The following NCAPD3 variants were observed in gnomAD, a reference collection of about 807,000 sequenced individuals.
NCAPD3 encodes the protein condensin-2 complex subunit D3.
In NCAPD3, 105 loss-of-function variants were observed where a neutral mutation model predicts 182.9. The observed-to-expected ratio is 0.57, with a 90% CI of 0.49 to 0.68. The LOEUF (loss-of-function observed/expected upper bound fraction) is 0.68, where lower values mean the gene tolerates loss of function less well. Ranked by LOEUF, NCAPD3 falls within the 30% of genes least tolerant of loss-of-function variation. NCAPD3 has a pLI of 0.00. For missense variants in NCAPD3, 1,944 were observed against 1,837.0 expected, an observed-to-expected ratio of 1.06 and a Z score of -1.07; for synonymous variants, 815 against 679.9, an observed-to-expected ratio of 1.20 and a Z score of -3.09.
chr11:134,197,696 T>C (rs1344324229), intron 13 of NCAPD3, among the ~76,000 whole-genome samples: 1 of 152,220 alleles, frequency 6.6e-6, no homozygotes, highest in African/African-American at 2.4e-5. Context: ...GATACAACCA[T>C]GCTTGGGATT....
rs979329670 is a variant in NCAPD3, at chr11:134,163,313, C to A, written c.3574-1422G>T. Among the ~76,000 whole-genome samples the A allele has an allele frequency of 2.6e-5, 4 of 152,310 alleles. No homozygotes were observed. The South Asian group carries it at 6.2e-4, about 24-fold the overall frequency. The stretch of plus-strand genomic sequence containing the variant: ...AATAACCAGCACTACAGACCACTCA[C>A]CATCTATCACCCAAAAGCTTCCTGC... On this transcript the variant is annotated intron_variant, in intron 27 of 34. Transcript: ENST00000534548.
rs180807915 is a variant in NCAPD3, at chr11:134,150,198, C to T, written c.*2746G>A. Reference sequence around the variant, plus strand: ...AAGGGAACTCATACTGTCTACACATCAGACCATAGTTGCTTAGGAAACCTT... The same window carrying T: ...AAGGGAACTCATACTGTCTACACATTAGACCATAGTTGCTTAGGAAACCTT... On this transcript the variant is annotated 3_prime_UTR_variant, in exon 35 of 35. Coordinates refer to ENST00000534548, the MANE Select transcript of NCAPD3 (RefSeq NM_015261.3). The T allele has an allele frequency of 6.6e-6, 1 of 152,584 alleles. No individual in the cohort carries two copies. Among genetic ancestry groups the T allele is most frequent in the East Asian group, 1.9e-4 (1 of 5,180 alleles). 9.5% of individuals were successfully genotyped at this position (152,584 alleles called of 1,614,324 possible).
chr11:134,217,331 C>T (rs1046605395), intron 2 of NCAPD3, among the ~76,000 whole-genome samples: 5 of 152,086 alleles, frequency 3.3e-5, no homozygotes, highest in African/African-American at 1.2e-4. Context: ...AATAATTAAA[C>T]TTTCAAAAGA....
At chr11:134,221,228 C>T (rs905332871) in intron 1 of NCAPD3, among the ~76,000 whole-genome samples, 1 of 152,198 alleles carries the variant, frequency 6.6e-6, no homozygotes, top group African/African-American at 2.4e-5. Flanking sequence ...CAGATTCAGA[C>T]TCCCAGGAAT....
chr11:134,166,792 TGA>T (rs1339310847), intron 27 of NCAPD3, among the ~76,000 whole-genome samples: 1 of 69,416 alleles, frequency 1.4e-5, no homozygotes, highest in Non-Finnish European at 2.7e-5. Flanking sequence ...CGCACACTCG[TGA>T]GAGGAGCTTA....
chr11:134,219,746 T>A (rs150220928), intron 2 of NCAPD3, among the ~76,000 whole-genome samples: 203 of 152,332 alleles, frequency 1.3e-3, no homozygotes, highest in African/African-American at 4.7e-3. Flanking sequence ...TTACAGGAAC[T>A]GTTTGGACAA....
At chr11:134,153,101 C>T (rs1442481692) in intron 34 of NCAPD3, 39 bp downstream of exon 34, 3 of 1,612,556 alleles carry the variant, frequency 1.9e-6, no homozygotes, top group Non-Finnish European at 2.5e-6. Context: ...AAAACCCTGA[C>T]AGAAACATCC....
At position 134,173,692 on chromosome 11, in the gene NCAPD3, G is replaced by A. The variant is rs148500732; in HGVS notation, c.3101+2615C>T. 3.3e-5 allele frequency: 5 copies of A among 152,946 alleles called. No individual in the cohort carries two copies. The East Asian group carries it at 9.7e-4, about 30-fold the overall frequency. The allele number at this position is 152,946 out of a possible 1,614,324, so 9.5% of individuals were successfully genotyped here. A position where few individuals can be genotyped will look rare whatever the true frequency, so the allele number is the denominator to read the frequency against. On this transcript the variant is annotated intron_variant, in intron 24 of 34. Transcript: ENST00000534548. ...GTCCAGCTGGTGCACACACCTTGAA[G>A]AGAGCCACTGGTACCTTTTCCCACC...
chr11:134,190,458 C>A (rs1944500772), intron 16 of NCAPD3, among the ~76,000 whole-genome samples: 1 of 152,188 alleles, frequency 6.6e-6, no homozygotes, highest in Admixed American at 6.5e-5. Context: ...TTCCTCCCTT[C>A]TGAATTCAGC....
At chr11:134,158,170 C>T (rs947523359) in intron 30 of NCAPD3, 103 bp from the exon 31 acceptor site, 2 of 1,524,810 alleles carry the variant, frequency 1.3e-6, no homozygotes, top group Non-Finnish European at 1.8e-6. Context: ...GCGCATCCCT[C>T]ACCACCCTCA....
At chr11:134,199,845 G>A (rs915798026) in intron 13 of NCAPD3, among the ~76,000 whole-genome samples, 2 of 152,158 alleles carry the variant, frequency 1.3e-5, no homozygotes, top group Non-Finnish European at 2.9e-5. Flanking sequence ...GAACGCAACG[G>A]CAATCAACAC....
At chr11:134,224,995 A>T, upstream of NCAPD3, 1 of 765,296 alleles carries the variant, frequency 1.3e-6, no homozygotes, top group African/African-American at 1.8e-5. Flanking sequence ...GCAGCGGCGG[A>T]GCCAGGCAGC....
intron 13 of NCAPD3, among the ~76,000 whole-genome samples, chr11:134,199,618 G>GA (rs1436210615): frequency 1.3e-5 from 2 of 152,206 alleles, no homozygotes; most frequent in African/African-American, 4.8e-5. Flanking sequence ...GGGGACAACA[G>GA]AGAGTCTCCA....
In NCAPD3 at chr11:134,204,606, G is replaced by A. The variant is rs575905134; in HGVS notation, c.1089+293C>T. Among the ~76,000 whole-genome samples, 42 of 152,304 alleles carry A rather than the reference G, an allele frequency of 2.8e-4. No individual in the cohort carries two copies. In the South Asian group the frequency reaches 8.5e-3, roughly 31 times the overall value. On this transcript the variant is annotated intron_variant, in intron 9 of 34. Coordinates refer to ENST00000534548, the MANE Select transcript of NCAPD3 (RefSeq NM_015261.3). The surrounding 1 kb of genome is among the most constrained non-coding windows in gnomAD (Gnocchi z 4.3). ...TGGGGGATGTGGGGTAGGGGTTTAA[G>A]TGACACAAAACTGTGGAACTCGGTG...
chr11:134,205,012 CA>C, intron 8 of NCAPD3, 41 bp from the exon 9 acceptor site: 1 of 1,493,790 alleles, frequency 6.7e-7, no homozygotes, highest in Non-Finnish European at 9.3e-7. Flanking sequence ...ACAATACAGT[CA>C]GCGACTGTCC....
chr11:134,196,197 A>G (rs1399845896), intron 13 of NCAPD3, among the ~76,000 whole-genome samples: 1 of 152,216 alleles, frequency 6.6e-6, no homozygotes, highest in African/African-American at 2.4e-5. Flanking sequence ...AAAGGATTAC[A>G]AAGGAATACT....
At chr11:134,206,338 C>A (rs986175294) in intron 8 of NCAPD3, among the ~76,000 whole-genome samples, 1 of 152,186 alleles carries the variant, frequency 6.6e-6, no homozygotes, top group Non-Finnish European at 1.5e-5. Flanking sequence ...GGCTGACCCA[C>A]ATATTGAGCG....
intron 32 of NCAPD3, among the ~76,000 whole-genome samples, chr11:134,154,777 T>C (rs927495882): frequency 6.6e-6 from 1 of 152,228 alleles, no homozygotes; most frequent in African/African-American, 2.4e-5. Context: ...CGTTCTCCAC[T>C]TGGTGTCTTG....
At chr11:134,200,508 T>G (rs769587682) in intron 13 of NCAPD3, among the ~76,000 whole-genome samples, 6 of 152,062 alleles carry the variant, frequency 3.9e-5, no homozygotes, top group Non-Finnish European at 7.4e-5. Flanking sequence ...TAGGGAAATG[T>G]AAATCAAAAC....
Sources: gnomAD v4.1 joint callset for allele counts (sites outside exome capture counted in the v4.1 genomes callset) on GRCh38, gnomAD v4.1.1 for gene constraint, Gnocchi (gnomAD v3.1) non-coding constraint, MANE v1.5 for transcripts, NCBI Gene and HGNC (gene_info 2026-07-23, HGNC 2026-07-21) for gene names.